Variants in ZNF804B observed in about 807,000 individuals in gnomAD.
The protein encoded by ZNF804B is zinc finger protein 804B.
In ZNF804B, 80 loss-of-function variants were observed where a neutral mutation model predicts 101.4. The ratio of observed to expected loss-of-function variants is 0.79; its 90% confidence interval spans 0.66 to 0.95. The LOEUF is 0.95. Among genes scored for constraint, ZNF804B ranks in the 40% least tolerant of loss-of-function variants. ZNF804B has a pLI of 0.00. For synonymous variants in ZNF804B, 622 were observed against 558.8 expected (o/e 1.11, Z -1.59); for missense variants, 1,673 against 1,561.9 (o/e 1.07, Z -1.20).
chr7:89,096,961 C>T (rs992176742), intron 1 of ZNF804B, among the ~76,000 whole-genome samples: 5 of 152,154 alleles, frequency 3.3e-5, no homozygotes, highest in African/African-American at 1.2e-4. Context: ...ATTATTCCCT[C>T]CCTAGGTTTC....
intron 2 of ZNF804B, among the ~76,000 whole-genome samples, chr7:89,300,835 C>A (rs1156469531): frequency 1.3e-5 from 2 of 151,822 alleles, no homozygotes; most frequent in Non-Finnish European, 1.5e-5. Context: ...GAAGAGATTG[C>A]TCTGTTTGTA....
At chr7:89,044,068 C>T (rs1789062453) in intron 1 of ZNF804B, among the ~76,000 whole-genome samples, 1 of 152,134 alleles carries the variant, frequency 6.6e-6, no homozygotes, top group African/African-American at 2.4e-5. Context: ...CACAGAAAGA[C>T]AGACACTGCA....
rs117287894 is a variant in ZNF804B at position 89,060,837 on chromosome 7, A to G, written c.109-157318A>G. ...GTGCATGTACATAAAAAACACTGAA[A>G]CTTAATAAATGAAAAGATGTCTTTT... On this transcript the variant is annotated intron_variant, in intron 1 of 3. Transcript: ENST00000333190. Among the ~76,000 whole-genome samples the G allele has an allele frequency of 4.3e-3, 652 of 152,260 alleles. 3 individuals are homozygous for G. The highest frequency in any genetic ancestry group is 0.017 in the South Asian group (80 of 4,820).
At chr7:88,847,401 A>G (rs1418068377) in intron 1 of ZNF804B, among the ~76,000 whole-genome samples, 2 of 152,090 alleles carry the variant, frequency 1.3e-5, no homozygotes, top group Non-Finnish European at 2.9e-5. Context: ...AAATATATTT[A>G]GCTTTAGGAG....
intron 1 of ZNF804B, among the ~76,000 whole-genome samples, chr7:89,027,754 C>G (rs529519235): frequency 1.3e-4 from 20 of 152,144 alleles, no homozygotes; most frequent in African/African-American, 4.8e-4. Context: ...ACGGCAAGGC[C>G]CTAAAATCTA....
intron 2 of ZNF804B, among the ~76,000 whole-genome samples, chr7:89,289,940 CA>C: frequency 6.6e-6 from 1 of 152,222 alleles, no homozygotes; most frequent in Middle Eastern, 3.4e-3. Flanking sequence ...CTTGTGGATC[CA>C]AGAGAGATTT....
chr7:89,224,987 G>A (rs1789064423), intron 2 of ZNF804B, among the ~76,000 whole-genome samples: 1 of 152,006 alleles, frequency 6.6e-6, no homozygotes, highest in South Asian at 2.1e-4. Flanking sequence ...GATATATCAA[G>A]TAGTTTCCTT....
intron 1 of ZNF804B, among the ~76,000 whole-genome samples, chr7:89,108,420 G>A (rs1414328162): frequency 6.6e-6 from 1 of 152,074 alleles, no homozygotes; most frequent in Non-Finnish European, 1.5e-5. Context: ...CTACATACAT[G>A]AGGAGGGAAG....
intron 1 of ZNF804B, among the ~76,000 whole-genome samples, chr7:88,964,817 G>A (rs1460456983): frequency 6.6e-6 from 1 of 151,400 alleles, no homozygotes; most frequent in African/African-American, 2.4e-5. Flanking sequence ...GCTCTTAGAA[G>A]CTCACCTGAA....
intron 1 of ZNF804B, among the ~76,000 whole-genome samples, chr7:89,136,788 G>A (rs774579869): frequency 5.3e-5 from 8 of 150,608 alleles, no homozygotes; most frequent in African/African-American, 7.3e-5. Context: ...TGATGATTTG[G>A]CTATGTCCCC....
At chr7:89,049,951 G>C (rs1789169128) in intron 1 of ZNF804B, among the ~76,000 whole-genome samples, 1 of 152,152 alleles carries the variant, frequency 6.6e-6, no homozygotes, top group East Asian at 1.9e-4. Flanking sequence ...GGTGGAGGTT[G>C]CAGTGAGCTG....
At chr7:89,000,993 A>G (rs1286751251) in intron 1 of ZNF804B, among the ~76,000 whole-genome samples, 2 of 147,462 alleles carry the variant, frequency 1.4e-5, no homozygotes, top group Non-Finnish European at 3.0e-5. Context: ...TGTACAATCT[A>G]TAATTATATA....
chr7:89,100,922 A>ATG (rs1166123655), intron 1 of ZNF804B, among the ~76,000 whole-genome samples: 3 of 151,892 alleles, frequency 2.0e-5, no homozygotes, highest in East Asian at 1.9e-4. Context: ...TCAAGGTTAT[A>ATG]TGTGTGTGTG....
At chr7:88,831,761 T>C (rs1350384355) in intron 1 of ZNF804B, among the ~76,000 whole-genome samples, 1 of 147,818 alleles carries the variant, frequency 6.8e-6, no homozygotes, top group Admixed American at 6.6e-5. Flanking sequence ...TATGACAGAC[T>C]GACCTTGCTC....
intron 1 of ZNF804B, among the ~76,000 whole-genome samples, chr7:88,993,915 A>G (rs538335831): frequency 5.7e-4 from 87 of 152,128 alleles, no homozygotes; most frequent in African/African-American, 2.0e-3. Context: ...AAAATATTTT[A>G]CTGTGACTAT....
At chr7:89,039,553 AATTT>A (rs1277512840) in intron 1 of ZNF804B, among the ~76,000 whole-genome samples, 23 of 152,014 alleles carry the variant, frequency 1.5e-4, no homozygotes, top group African/African-American at 4.8e-4. Flanking sequence ...CTGCAAATTG[AATTT>A]ATTTATTCTC....
At chr7:89,194,619 T>G (rs1481075292) in intron 1 of ZNF804B, among the ~76,000 whole-genome samples, 2 of 151,706 alleles carry the variant, frequency 1.3e-5, no homozygotes, top group African/African-American at 4.8e-5. Flanking sequence ...GATCAGATAG[T>G]TGTAGATATG....
At position 88,818,455 on chromosome 7, in the gene ZNF804B, C is replaced by T. The variant is rs922824118; in HGVS notation, c.108+58371C>T. On this transcript the variant is annotated intron_variant, in intron 1 of 3. Coordinates refer to ENST00000333190, the MANE Select transcript of ZNF804B (RefSeq NM_181646.5). ...TGAAAGATAGTCAATTTTAATATAC[C>T]GTTATGATGCACATGAAAGTAATAA... Among the ~76,000 whole-genome samples the T allele has an allele frequency of 1.3e-4, 19 of 151,876 alleles. No homozygotes were observed. In the East Asian group the frequency reaches 1.9e-3, roughly 15 times the overall value.
At chr7:89,079,842 C>T (rs763633811) in intron 1 of ZNF804B, among the ~76,000 whole-genome samples, 1 of 151,818 alleles carries the variant, frequency 6.6e-6, no homozygotes, top group Non-Finnish European at 1.5e-5. Flanking sequence ...GAGATGAGAT[C>T]AATACTGGTA....
Sources: gnomAD v4.1 joint callset for allele counts (sites outside exome capture counted in the v4.1 genomes callset) on GRCh38, gnomAD v4.1.1 for gene constraint, MANE v1.5 for transcripts, NCBI Gene and HGNC (gene_info 2026-07-23, HGNC 2026-07-21) for gene names.